PLXND1: variants seen among roughly 807,000 people sequenced by gnomAD.
PLXND1 encodes plexin-D1.
A neutral mutation model predicts 197.7 loss-of-function variants in PLXND1; 54 were observed. The ratio of observed to expected loss-of-function variants is 0.27; its 90% CI spans 0.22 to 0.34. The LOEUF (loss-of-function observed/expected upper bound fraction) is 0.34, where lower values mean the gene tolerates loss of function less well. Ranked by LOEUF, PLXND1 falls within the 10% of genes least tolerant of loss-of-function variation. The pLI, the probability that PLXND1 is intolerant of heterozygous loss-of-function variation, is 1.00. For missense variants in PLXND1, 2,127 were observed against 2,699.2 expected (o/e 0.79, Z 4.70); for synonymous variants, 1,180 against 1,161.2 (o/e 1.02, Z -0.33).
chr3:129,575,725 G>A (rs746210), intron 10 of PLXND1, 41 bp downstream of exon 10: 147,062 of 1,444,376 alleles, frequency 0.1, 9,016 homozygotes, highest in East Asian at 0.27. Flanking sequence ...TGGACTTAAC[G>A]CAGGCCCGCC....
rs1578298365 is a variant in PLXND1, at chr3:129,556,601, A to C, written c.5661+16T>G. ...CACCTACCCCGAGGGCAGGTGCCTC[A>C]CCCTGGGGCACTCACCTGCGGCCGA... is the stretch of plus-strand genomic sequence containing the variant. On this transcript the variant is annotated intron_variant, in intron 35 of 35. Coordinates refer to ENST00000324093, the MANE Select transcript of PLXND1 (RefSeq NM_015103.3). 1 of 1,597,108 alleles carries C rather than the reference A, an allele frequency of 6.3e-7. No individual in the cohort carries two copies. The highest frequency in any genetic ancestry group is 8.6e-7 in the Non-Finnish European group (1 of 1,165,554).
intron 25 of PLXND1, among the ~76,000 whole-genome samples, 182 bp downstream of exon 25, chr3:129,565,158 G>A (rs1166296472): frequency 6.6e-6 from 1 of 152,230 alleles, no homozygotes; most frequent in Admixed American, 6.5e-5. Flanking sequence ...AGGCTTCCCC[G>A]GGGCCATGGC....
At chr3:129,580,934 C>T (rs2085378903) in intron 8 of PLXND1, among the ~76,000 whole-genome samples, 1 of 152,046 alleles carries the variant, frequency 6.6e-6, no homozygotes, top group South Asian at 2.1e-4. Context: ...GAAGCCACCC[C>T]CAGGGAAGCT....
chr3:129,565,769 G>A, intron 24 of PLXND1, 118 bp downstream of exon 24: 5 of 1,142,928 alleles, frequency 4.4e-6, no homozygotes, highest in Non-Finnish European at 6.2e-6. Context: ...CCCGGCCCAG[G>A]AAGGGCTGGA....
In PLXND1 at chr3:129,571,274, G is replaced by A. The variant is rs1250445148; in HGVS notation, c.3366C>T (p.Ile1122=). 2 of 1,613,650 alleles carry A rather than the reference G, an allele frequency of 1.2e-6. No individual in the cohort carries two copies. Among genetic ancestry groups the A allele is most frequent in the East Asian group, 2.2e-5 (1 of 44,884 alleles). The change falls in exon 18 of 36, where the codon ATC becomes ATT. Residue 1122 remains isoleucine (I), a synonymous_variant. Transcript: ENST00000324093. ...TCAGGGCCCCGGGGGACGGGCAGGT[G>A]ATGAGGGTGGAGTTGAGAACCTTGC... ...TLCKVLNSTL[I]TCPSPGALSN...
rs1305844037 is a variant in PLXND1, at chr3:129,605,696, C to A, written c.944G>T (p.Arg315Leu). ...CAGGCAGATGCGCGCCAGCAGGCTC[C>A]GCGCCTGGCTCTCCTTGTCGCCCGC... is the stretch of plus-strand genomic sequence containing the variant. Reference protein sequence around the residue: ...ARAGDKESQARSLLARICLPH... With the variant: ...ARAGDKESQALSLLARICLPH... Residue 315 changes from arginine to leucine, a missense_variant, in exon 1 of 36, where the codon CGG (arginine) becomes CTG (leucine). This residue lies in a region of PLXND1 where 1,095 missense variants were observed against 1,259.8 expected (regional missense o/e 0.87). Transcript: ENST00000324093. 2.6e-6 allele frequency: 4 copies of A among 1,538,792 alleles called. No homozygotes were observed. The African/African-American group carries it at 4.1e-5, about 16-fold the overall frequency.
At position 129,589,430 on chromosome 3, in the gene PLXND1, C is replaced by A; in HGVS notation, c.1409G>T (p.Gly470Val). The change falls in exon 2 of 36, where the codon GGC becomes GTC. Residue 470 changes from glycine (G) to valine (V), a missense_variant. Physicochemically the swap from Gly to Val is moderately radical, Grantham distance 109 (BLOSUM62 -3). Coordinates refer to ENST00000324093, the MANE Select transcript of PLXND1 (RefSeq NM_015103.3). ...GCTGGCCACGGCCACGGAGGTGAGGCCCGGGGCGCGGAACACGGGCGTGGC... is the reference window on the plus strand; with the variant it reads ...GCTGGCCACGGCCACGGAGGTGAGGACCGGGGCGCGGAACACGGGCGTGGC... Reference protein sequence around the residue: ...LKATPVFRAPGLTSVAVASVN... With the variant: ...LKATPVFRAPVLTSVAVASVN... 6.2e-7 allele frequency: 1 copy of A among 1,611,556 alleles called. No homozygotes were observed. Among genetic ancestry groups the A allele is most frequent in the Non-Finnish European group, 8.5e-7 (1 of 1,179,496 alleles).
Position 129,566,517 on chromosome 3 carries a change from G to A in PLXND1, c.4191+10C>T. On this transcript the variant is annotated intron_variant, in intron 23 of 35. Transcript: ENST00000324093. The stretch of plus-strand genomic sequence containing the variant: ...AGCAGCCCACTGTGTGTGGGTCGTG[G>A]GGTACTCACCTTCCACTCTCCCAGC... 1.3e-6 allele frequency: 2 copies of A among 1,550,502 alleles called. No individual in the cohort carries two copies. The highest frequency in any genetic ancestry group is 1.8e-6 in the Non-Finnish European group (2 of 1,121,970).
Position 129,574,296 on chromosome 3 carries a change from C to T in PLXND1, c.2685+40G>A, listed in dbSNP as rs746414446. The T allele has an allele frequency of 5.1e-5, 79 of 1,540,474 alleles. 1 individual carries two copies. In the Admixed American group the frequency reaches 7.5e-4, roughly 15 times the overall value. ...CGAGGGCACTGCGCATGCGCCGTGCCGGAGTGCGGGTGCCACGTGCCTCCA... is the reference window on the plus strand; with the variant it reads ...CGAGGGCACTGCGCATGCGCCGTGCTGGAGTGCGGGTGCCACGTGCCTCCA... On this transcript the variant is annotated intron_variant, in intron 12 of 35. Transcript: ENST00000324093.
At chr3:129,556,838 C>G in intron 34 of PLXND1, 147 bp from the exon 35 acceptor site, 2 of 709,444 alleles carry the variant, frequency 2.8e-6, no homozygotes, top group Non-Finnish European at 4.8e-6. Context: ...GTCCCATGGA[C>G]GAAGACGGCT....
At chr3:129,579,843 C>T (rs2811467) in intron 8 of PLXND1, among the ~76,000 whole-genome samples, 30,422 of 152,162 alleles carry the variant, frequency 0.2, 3,236 homozygotes, top group East Asian at 0.38. Flanking sequence ...TTATTCTACA[C>T]CAGATGAGAG....
In PLXND1 at chr3:129,556,701, G is replaced by C. The variant is rs766959949; in HGVS notation, c.5587-10C>G. The C allele has an allele frequency of 6.3e-7, 1 of 1,599,836 alleles. No individual in the cohort carries two copies. The highest frequency in any genetic ancestry group is 1.3e-5 in the African/African-American group (1 of 74,644). On this transcript the variant is annotated splice_polypyrimidine_tract_variant and intron_variant, in intron 34 of 35. Transcript: ENST00000324093. ...ACTCATTCTGGTATTTCTATAAGGA[G>C]GCAGGATGGGGAGGAGGTTAGCCCA...
intron 20 of PLXND1, 160 bp downstream of exon 20, chr3:129,569,683 C>T (rs2085194219): frequency 2.5e-5 from 15 of 607,428 alleles, no homozygotes; most frequent in South Asian, 2.4e-4. Flanking sequence ...CAGGGCACAC[C>T]TCCCCCAACC....
chr3:129,583,532 C>T, intron 8 of PLXND1, 35 bp downstream of exon 8: 1 of 1,314,576 alleles, frequency 7.6e-7, no homozygotes, highest in East Asian at 2.3e-5. Flanking sequence ...GGTAATGAAA[C>T]AGCAGAGGCG....
In PLXND1 at chr3:129,586,835, C is replaced by T. The variant is rs2085469063; in HGVS notation, c.1489-116G>A. The T allele has an allele frequency of 5.6e-6, 7 of 1,258,950 alleles. No individual in the cohort carries two copies. In the Admixed American group the frequency reaches 8.2e-5, roughly 15 times the overall value. 78.0% of individuals were successfully genotyped at this position (1,258,950 alleles called of 1,614,324 possible). ...CCTCCCCATCCTGTCTTGGACCCTT[C>T]AGGAGGGGTGGGAAGTCACGGGCGT... On this transcript the variant is annotated intron_variant, in intron 2 of 35. Transcript: ENST00000324093.
intron 2 of PLXND1, among the ~76,000 whole-genome samples, chr3:129,588,857 C>T (rs1441755701): frequency 6.6e-6 from 1 of 152,218 alleles, no homozygotes; most frequent in Non-Finnish European, 1.5e-5. Flanking sequence ...GTACAGTTAA[C>T]TCTAGACACC....
intron 1 of PLXND1, among the ~76,000 whole-genome samples, chr3:129,595,958 G>A (rs1462512927): frequency 2.9e-5 from 2 of 69,168 alleles, no homozygotes; most frequent in African/African-American, 4.9e-5. Flanking sequence ...CTCTTGCTGC[G>A]TACCCATTTT....
At chr3:129,597,030 G>C (rs1032395889) in intron 1 of PLXND1, among the ~76,000 whole-genome samples, 1 of 152,264 alleles carries the variant, frequency 6.6e-6, no homozygotes, top group African/African-American at 2.4e-5. Context: ...ACAGTAGCAA[G>C]CAGCTGTGTG....
intron 8 of PLXND1, among the ~76,000 whole-genome samples, chr3:129,581,197 C>T (rs908821751): frequency 3.3e-5 from 5 of 152,228 alleles, no homozygotes; most frequent in Admixed American, 1.3e-4. Context: ...ACAGAGACCA[C>T]GGCACCACTA....
Sources: allele counts gnomAD v4.1 joint callset (sites outside exome capture counted in the v4.1 genomes callset), GRCh38; gene constraint gnomAD v4.1.1; regional missense constraint gnomAD v4.1.1; transcripts MANE v1.5; gene names NCBI Gene and HGNC (gene_info 2026-07-23, HGNC 2026-07-21).